The following CAST variants were observed in gnomAD, a reference collection of about 807,000 sequenced individuals.
CAST encodes MIR583 host.
In CAST, 76 loss-of-function variants were observed where a neutral mutation model predicts 119.6. The observed-to-expected ratio is 0.64, with a 90% CI of 0.53 to 0.77. CAST has a LOEUF of 0.77. CAST is among the 30% of genes least tolerant of loss of function. The pLI is 0.00. For missense variants in CAST, 953 were observed against 946.5 expected (o/e 1.01, Z -0.09); for synonymous variants, 319 against 331.6 (o/e 0.96, Z 0.41).
At chr5:96,254,561 G>A in the CAST span, among the ~76,000 whole-genome samples, 1 of 151,810 alleles carries the variant, frequency 6.6e-6, no homozygotes, top group Non-Finnish European at 1.5e-5. Context: ...CTACTTCCAT[G>A]TCTACATTTT....
At chr5:96,200,486 C>T in the CAST span, among the ~76,000 whole-genome samples, 1 of 152,046 alleles carries the variant, frequency 6.6e-6, no homozygotes, top group Non-Finnish European at 1.5e-5. Flanking sequence ...AGACTGTGTC[C>T]CTTACTTGCC....
chr5:96,247,063 A>G, the CAST span, among the ~76,000 whole-genome samples: 1 of 152,210 alleles, frequency 6.6e-6, no homozygotes, highest in Non-Finnish European at 1.5e-5. Context: ...ATTTATTTCT[A>G]TGAATTTTAT....
chr5:96,033,199 C>T, the CAST span, among the ~76,000 whole-genome samples: 3 of 151,840 alleles, frequency 2.0e-5, no homozygotes, highest in Admixed American at 6.6e-5. Context: ...TAAGGATATC[C>T]CATGTTGATA....
the CAST span, among the ~76,000 whole-genome samples, chr5:96,107,587 A>G: frequency 6.6e-6 from 1 of 152,106 alleles, no homozygotes; most frequent in Non-Finnish European, 1.5e-5. Flanking sequence ...TTCTGCCGAG[A>G]GATCCGCTGT....
chr5:96,310,906 G>A, the CAST span, among the ~76,000 whole-genome samples: 2 of 145,712 alleles, frequency 1.4e-5, no homozygotes, highest in Non-Finnish European at 3.0e-5. Flanking sequence ...CTTTTGTATT[G>A]TATTTCTAAC....
At chr5:96,223,874 C>A in the CAST span, among the ~76,000 whole-genome samples, 1 of 152,164 alleles carries the variant, frequency 6.6e-6, no homozygotes, top group East Asian at 1.9e-4. Flanking sequence ...AAACTTTAAT[C>A]TTTTCTGTAC....
the CAST span, among the ~76,000 whole-genome samples, chr5:96,187,723 A>T: frequency 5.9e-5 from 9 of 152,168 alleles, no homozygotes. Flanking sequence ...CAAAGTGGGC[A>T]CTCAGAAATT....
At chr5:96,683,654 T>A (rs1751713446) in intron 2 of CAST, among the ~76,000 whole-genome samples, 1 of 152,218 alleles carries the variant, frequency 6.6e-6, no homozygotes, top group East Asian at 1.9e-4. Context: ...CCCGGTACAT[T>A]TGTCTTTCTC....
At chr5:96,624,962 C>A (rs2150200389) in intron 1 of CAST, among the ~76,000 whole-genome samples, 1 of 152,238 alleles carries the variant, frequency 6.6e-6, no homozygotes, top group South Asian at 2.1e-4. Context: ...GGCATTGTTG[C>A]TATTTGTTGT....
At chr5:96,139,316 T>C in the CAST span, among the ~76,000 whole-genome samples, 3 of 151,768 alleles carry the variant, frequency 2.0e-5, no homozygotes. Flanking sequence ...CTCTCTCCAA[T>C]GCCTAAGACT....
chr5:96,064,469 G>C, the CAST span, among the ~76,000 whole-genome samples: 1 of 151,968 alleles, frequency 6.6e-6, no homozygotes, highest in African/African-American at 2.4e-5. Flanking sequence ...ATAGGCAAAA[G>C]TATGTAATTG....
At chr5:96,551,685 A>T (rs1561413772) in intron 1 of CAST, among the ~76,000 whole-genome samples, 1 of 152,118 alleles carries the variant, frequency 6.6e-6, no homozygotes, top group Non-Finnish European at 1.5e-5. Flanking sequence ...TCTCGCATGC[A>T]AAGACACACA....
the CAST span, among the ~76,000 whole-genome samples, chr5:96,411,381 G>A: frequency 1.3e-5 from 2 of 152,196 alleles, no homozygotes; most frequent in African/African-American, 4.8e-5. Flanking sequence ...GACAAAATTA[G>A]GAATTATTCA....
intron 1 of CAST, among the ~76,000 whole-genome samples, chr5:96,617,684 C>T (rs564044070): frequency 2.7e-5 from 4 of 150,196 alleles, no homozygotes; most frequent in Non-Finnish European, 5.9e-5. Flanking sequence ...CCCAGCTACT[C>T]GAGAGGCTGA....
the CAST span, among the ~76,000 whole-genome samples, chr5:96,046,978 CAT>C: frequency 2.6e-5 from 4 of 152,160 alleles, no homozygotes; most frequent in Non-Finnish European, 5.9e-5. Context: ...CCTCCCACAA[CAT>C]GTGGGAATTC....
the CAST span, among the ~76,000 whole-genome samples, chr5:96,429,899 C>T: frequency 2.0e-5 from 3 of 152,162 alleles, no homozygotes; most frequent in African/African-American, 7.2e-5. Flanking sequence ...GGAGGAAATA[C>T]ATGTTTTTCA....
At chr5:96,562,723 A>G (rs1381310004) in intron 1 of CAST, among the ~76,000 whole-genome samples, 1 of 152,146 alleles carries the variant, frequency 6.6e-6, no homozygotes, top group African/African-American at 2.4e-5. Context: ...AAACATTGAA[A>G]CTGCTTCCAA....
the CAST span, chr5:96,415,976 G>C: frequency 2.8e-6 from 3 of 1,056,802 alleles, no homozygotes; most frequent in East Asian, 2.4e-5. Context: ...CATTTACAAT[G>C]GGTGATGTAA....
chr5:96,650,870 G>C (rs984443172), intron 1 of CAST, among the ~76,000 whole-genome samples: 1 of 151,980 alleles, frequency 6.6e-6, no homozygotes, highest in African/African-American at 2.4e-5. Flanking sequence ...AGAAGGTTTA[G>C]CAAAGAATTT....
Sources: gnomAD v4.1 joint callset for allele counts (sites outside exome capture counted in the v4.1 genomes callset) on GRCh38, gnomAD v4.1.1 for gene constraint, MANE v1.5 for transcripts, NCBI Gene and HGNC (gene_info 2026-07-23, HGNC 2026-07-21) for gene names.